Variants in ERC2 observed in about 807,000 individuals in gnomAD.
ERC2 encodes ELKS/RAB6-interacting/CAST family member 2.
A neutral mutation model predicts 114.8 loss-of-function variants in ERC2; 42 were observed. That is an observed-to-expected ratio of 0.37 (90% confidence interval 0.29 to 0.47). The LOEUF (loss-of-function observed/expected upper bound fraction) is 0.47. Ranked by LOEUF, ERC2 falls within the 20% of genes least tolerant of loss-of-function variation. The pLI, the probability that ERC2 is intolerant of heterozygous loss-of-function variation, is 0.99. For synonymous variants in ERC2, 454 were observed against 425.5 expected, an observed-to-expected ratio of 1.07 and a Z score of -0.82; for missense variants, 939 against 1,150.7, an observed-to-expected ratio of 0.82 and a Z score of 2.66.
At chr3:55,693,281 G>A (rs1271945560) in intron 16 of ERC2, among the ~76,000 whole-genome samples, 10 of 152,210 alleles carry the variant, frequency 6.6e-5, no homozygotes, top group Non-Finnish European at 1.5e-4. Flanking sequence ...CCACAGAAAA[G>A]TCACTCTCTG....
At position 55,916,601 on chromosome 3, in the gene ERC2, C is replaced by A. The variant is rs575279108; in HGVS notation, c.2404-28052G>T. On this transcript the variant is annotated intron_variant, in intron 13 of 17. Coordinates refer to ENST00000288221, the MANE Select transcript of ERC2 (RefSeq NM_015576.3). The stretch of plus-strand genomic sequence containing the variant: ...TTCTCTGTTCAGCAAATGCACTGAG[C>A]GTGTTCCCACTGCAGGTAGCTTGCA... Among the ~76,000 whole-genome samples, 51 of 152,290 alleles carry A rather than the reference C, an allele frequency of 3.3e-4. 1 individual carries two copies. The South Asian group carries it at 0.011, about 32-fold the overall frequency.
At chr3:56,250,174 A>G (rs1401208848) in intron 3 of ERC2, among the ~76,000 whole-genome samples, 1 of 152,222 alleles carries the variant, frequency 6.6e-6, no homozygotes, top group Non-Finnish European at 1.5e-5. Flanking sequence ...TCTTAAATGG[A>G]TATTCTTACA....
At chr3:56,313,261 T>C (rs2056702221) in intron 2 of ERC2, among the ~76,000 whole-genome samples, 2 of 151,548 alleles carry the variant, frequency 1.3e-5, no homozygotes, top group African/African-American at 2.4e-5. Flanking sequence ...CTTAAAGTTT[T>C]AAATTAGACA....
chr3:56,348,359 G>A (rs1458324492), intron 2 of ERC2, among the ~76,000 whole-genome samples: 1 of 152,060 alleles, frequency 6.6e-6, no homozygotes, highest in East Asian at 1.9e-4. Context: ...ATTGCATACT[G>A]CAACTACATT....
At chr3:55,939,998 C>T (rs900827770) in intron 13 of ERC2, among the ~76,000 whole-genome samples, 1 of 152,202 alleles carries the variant, frequency 6.6e-6, no homozygotes, top group Non-Finnish European at 1.5e-5. Context: ...ACCCTGCACT[C>T]CAGATGGAAA....
At chr3:56,085,671 C>T (rs2077464525) in intron 6 of ERC2, among the ~76,000 whole-genome samples, 1 of 152,152 alleles carries the variant, frequency 6.6e-6, no homozygotes, top group Non-Finnish European at 1.5e-5. Flanking sequence ...TGTAGGTTTT[C>T]ATTATATCTG....
chr3:55,974,831 A>G (rs1195523427), intron 12 of ERC2, among the ~76,000 whole-genome samples: 1 of 152,246 alleles, frequency 6.6e-6, no homozygotes, highest in African/African-American at 2.4e-5. Flanking sequence ...AAAAGCTGCT[A>G]GAACTGCCAA....
intron 7 of ERC2, among the ~76,000 whole-genome samples, chr3:56,050,267 C>T (rs945967085): frequency 2.6e-5 from 4 of 152,020 alleles, no homozygotes; most frequent in African/African-American, 9.7e-5. Context: ...AAGATTGTAC[C>T]ACTAAGACTC....
At chr3:56,054,278 T>G (rs1201970914) in intron 7 of ERC2, among the ~76,000 whole-genome samples, 1 of 152,238 alleles carries the variant, frequency 6.6e-6, no homozygotes, top group Non-Finnish European at 1.5e-5. Context: ...GTGATGAATC[T>G]GCTTTGAATT....
At chr3:56,406,716 C>G (rs1334288658) in intron 2 of ERC2, among the ~76,000 whole-genome samples, 4 of 152,184 alleles carry the variant, frequency 2.6e-5, no homozygotes, top group Non-Finnish European at 5.9e-5. Flanking sequence ...AAAACTTTCT[C>G]TAACTTGAAC....
chr3:56,077,549 G>A (rs914391308), intron 7 of ERC2, among the ~76,000 whole-genome samples: 1 of 152,170 alleles, frequency 6.6e-6, no homozygotes, highest in African/African-American at 2.4e-5. Context: ...GGCAAAAGTG[G>A]TCATTTGTCA....
chr3:55,715,259 T>C (rs2064044924), intron 15 of ERC2, among the ~76,000 whole-genome samples: 1 of 152,110 alleles, frequency 6.6e-6, no homozygotes, highest in Non-Finnish European at 1.5e-5. Flanking sequence ...ATTCAAGTCC[T>C]CCCCCAAGAA....
intron 15 of ERC2, among the ~76,000 whole-genome samples, chr3:55,725,907 G>A (rs553832546): frequency 1.3e-5 from 2 of 152,196 alleles, no homozygotes; most frequent in Non-Finnish European, 2.9e-5. Flanking sequence ...AGCTGCCTAG[G>A]ATAAAGAATG....
chr3:55,790,353 C>A (rs1165391799), intron 14 of ERC2, among the ~76,000 whole-genome samples: 2 of 152,172 alleles, frequency 1.3e-5, no homozygotes, highest in Non-Finnish European at 2.9e-5. Context: ...CTCTATTCTC[C>A]TGTAGCCCCC....
intron 3 of ERC2, among the ~76,000 whole-genome samples, chr3:56,268,088 T>C (rs1241059017): frequency 1.3e-5 from 2 of 152,214 alleles, no homozygotes; most frequent in Non-Finnish European, 2.9e-5. Context: ...TGCATCATGA[T>C]GTCTCGATAA....
intron 7 of ERC2, among the ~76,000 whole-genome samples, chr3:56,050,339 G>A (rs7617717): frequency 0.93 from 141,901 of 152,186 alleles, 66,487 homozygotes; most frequent in East Asian, 1. Context: ...AGTCTGGGAC[G>A]CCCTCCAGTT....
intron 9 of ERC2, among the ~76,000 whole-genome samples, 199 bp from the exon 10 acceptor site, chr3:56,007,520 T>C (rs1195434226): frequency 1.3e-5 from 2 of 152,210 alleles, no homozygotes; most frequent in Admixed American, 6.6e-5. Context: ...TAGGATCTAA[T>C]TGCCGTAGAA....
chr3:56,197,780 G>A (rs1215948040), intron 3 of ERC2, among the ~76,000 whole-genome samples: 1 of 152,164 alleles, frequency 6.6e-6, no homozygotes, highest in Non-Finnish European at 1.5e-5. Context: ...AGTGTTTGCT[G>A]TTGTCATTGG....
chr3:56,340,933 G>GA (rs1375886686), intron 2 of ERC2, among the ~76,000 whole-genome samples: 2 of 150,292 alleles, frequency 1.3e-5, no homozygotes, highest in African/African-American at 2.4e-5. Flanking sequence ...GTTTTCAAAA[G>GA]AAAAAAAAAG....
Sources: gnomAD v4.1 joint callset for allele counts (sites outside exome capture counted in the v4.1 genomes callset) on GRCh38, gnomAD v4.1.1 for gene constraint, MANE v1.5 for transcripts, NCBI Gene and HGNC (gene_info 2026-07-23, HGNC 2026-07-21) for gene names.